Variants in ARL5B observed in about 807,000 individuals in gnomAD.
ARL5B encodes ARF like GTPase 5B, also known as ADP-ribosylation factor-like protein 5B.
ARL5B carries 10 observed loss-of-function variants against 26.9 expected under a neutral mutation model. The ratio of observed to expected loss-of-function variants is 0.37; its 90% confidence interval spans 0.23 to 0.63. The LOEUF (loss-of-function observed/expected upper bound fraction) is 0.63, where lower values mean the gene tolerates loss of function less well. ARL5B is among the 30% of genes least tolerant of loss of function. ARL5B has a pLI of 0.62. For synonymous variants in ARL5B, 87 were observed against 70.4 expected (o/e 1.24, Z -1.18); for missense variants, 167 against 213.9 (o/e 0.78, Z 1.37).
chr10:18,672,812 T>A (rs1268377965), intron 4 of ARL5B, 107 bp downstream of exon 4: 2 of 619,456 alleles, frequency 3.2e-6, no homozygotes, highest in East Asian at 5.7e-5. Flanking sequence ...TATTTTATGA[T>A]TAACACAACT....
chr10:18,676,290 A>T lies in ARL5B; in HGVS notation c.*1074A>T, dbSNP rs1282288731. On this transcript the variant is annotated 3_prime_UTR_variant, in exon 6 of 6. Transcript: ENST00000377275. ...AATTTATTTGACGGTATTATGTAAT[A>T]GACTTGAAACAATTGCCATCTTTGT... The T allele has an allele frequency of 6.6e-6, 1 of 152,510 alleles. No homozygotes were observed. Among genetic ancestry groups the T allele is most frequent in the Non-Finnish European group, 1.5e-5 (1 of 67,922 alleles). 9.4% of individuals were successfully genotyped at this position (152,510 alleles called of 1,614,324 possible).
chr10:18,678,648 A>G lies in ARL5B; in HGVS notation c.*3432A>G, dbSNP rs2059920224. The G allele has an allele frequency of 6.6e-6, 1 of 151,908 alleles. No homozygotes were observed. Among genetic ancestry groups the G allele is most frequent in the African/African-American group, 2.4e-5 (1 of 41,440 alleles). The allele number at this position is 151,908 out of a possible 1,614,324, so 9.4% of individuals were successfully genotyped here. ...AGATGGATAAATTTCTTTGGAATTTATCTTTGGAGACCAACTTTATGAGGC... is the reference window on the plus strand; with the variant it reads ...AGATGGATAAATTTCTTTGGAATTTGTCTTTGGAGACCAACTTTATGAGGC... On this transcript the variant is annotated 3_prime_UTR_variant, in exon 6 of 6. Transcript: ENST00000377275.
At chr10:18,674,228 TTC>T in intron 5 of ARL5B, 93 bp downstream of exon 5, 1 of 1,203,104 alleles carries the variant, frequency 8.3e-7, no homozygotes, top group Non-Finnish European at 1.1e-6. Flanking sequence ...CCTGTTCCTT[TTC>T]TGTTTGTTTG....
chr10:18,673,314 C>T (rs1322072106), intron 4 of ARL5B, among the ~76,000 whole-genome samples: 1 of 152,132 alleles, frequency 6.6e-6, no homozygotes, highest in Non-Finnish European at 1.5e-5. Context: ...CCTGCCTCAG[C>T]CTCCCAAAGT....
chr10:18,667,639 T>G (rs572824193), intron 2 of ARL5B, among the ~76,000 whole-genome samples: 1 of 152,236 alleles, frequency 6.6e-6, no homozygotes, highest in South Asian at 2.1e-4. Context: ...ATTAATTGAT[T>G]AATGTAGCTT....
chr10:18,663,464 G>A (rs771137908), intron 1 of ARL5B, among the ~76,000 whole-genome samples: 1 of 151,574 alleles, frequency 6.6e-6, no homozygotes, highest in African/African-American at 2.4e-5. Context: ...GTTGCCAATT[G>A]CGTATGATTA....
intron 3 of ARL5B, among the ~76,000 whole-genome samples, chr10:18,672,137 C>T (rs1428261661): frequency 3.3e-5 from 5 of 152,038 alleles, no homozygotes; most frequent in African/African-American, 4.8e-5. Context: ...ATAAAATTGT[C>T]TTATTTTTAA....
intron 1 of ARL5B, among the ~76,000 whole-genome samples, chr10:18,664,296 A>G (rs893925873): frequency 6.6e-6 from 1 of 152,030 alleles, no homozygotes; most frequent in Non-Finnish European, 1.5e-5. Flanking sequence ...TGTATTGCCC[A>G]GTTTGGTCTC....
intron 2 of ARL5B, 74 bp downstream of exon 2, chr10:18,666,709 A>C (rs1159795461): frequency 8.1e-7 from 1 of 1,238,584 alleles, no homozygotes; most frequent in Non-Finnish European, 1.1e-6. Flanking sequence ...TAAGAGATGC[A>C]TTATAATAAT....
chr10:18,674,931 G>T (rs1346900475), intron 5 of ARL5B, among the ~76,000 whole-genome samples: 1 of 152,054 alleles, frequency 6.6e-6, no homozygotes, highest in Non-Finnish European at 1.5e-5. Flanking sequence ...GGCAAAACTG[G>T]CAAAGTTGTA....
Position 18,677,151 on chromosome 10 carries a change from C to T in ARL5B, c.*1935C>T, listed in dbSNP as rs2131650924. The T allele has an allele frequency of 6.6e-6, 1 of 151,640 alleles. No homozygotes were observed. The highest frequency in any genetic ancestry group is 6.6e-5 in the Admixed American group (1 of 15,100). The allele number at this position is 151,640 out of a possible 1,614,324, so 9.4% of individuals were successfully genotyped here. A position where few individuals can be genotyped will look rare whatever the true frequency, so the allele number is the denominator to read the frequency against. On this transcript the variant is annotated 3_prime_UTR_variant, in exon 6 of 6. Coordinates refer to ENST00000377275, the MANE Select transcript of ARL5B (RefSeq NM_178815.5). ...TGAGGGTAGTTTCCCTAAGTCTGTC[C>T]TGAGAAAAAGCATACTTAGTACTCC...
chr10:18,662,093 G>A (rs981371426), intron 1 of ARL5B, among the ~76,000 whole-genome samples: 1 of 152,134 alleles, frequency 6.6e-6, no homozygotes, highest in Non-Finnish European at 1.5e-5. Flanking sequence ...ACCAATCTCA[G>A]CATTTTCCAT....
At chr10:18,671,555 ACAT>A (rs1408510004) in intron 3 of ARL5B, among the ~76,000 whole-genome samples, 1 of 152,010 alleles carries the variant, frequency 6.6e-6, no homozygotes, top group Non-Finnish European at 1.5e-5. Context: ...TGCTGTAATA[ACAT>A]CATTTCATCT....
intron 1 of ARL5B, among the ~76,000 whole-genome samples, chr10:18,666,299 G>T (rs1269276532): frequency 1.3e-5 from 2 of 152,194 alleles, no homozygotes; most frequent in Non-Finnish European, 1.5e-5. Context: ...CTCTCCCCTA[G>T]ATGCAATATA....
chr10:18,674,225 C>G (rs1392629968), intron 5 of ARL5B, 90 bp downstream of exon 5: 3 of 1,235,696 alleles, frequency 2.4e-6, no homozygotes, highest in East Asian at 5.3e-5. Flanking sequence ...GGTCCTGTTC[C>G]TTTTCTGTTT....
chr10:18,674,593 A>G (rs2059902598), intron 5 of ARL5B, among the ~76,000 whole-genome samples: 1 of 152,168 alleles, frequency 6.6e-6, no homozygotes. Flanking sequence ...AGTTGAGACA[A>G]ATGCCACATG....
At chr10:18,671,260 C>T (rs1198252965) in intron 3 of ARL5B, among the ~76,000 whole-genome samples, 2 of 151,572 alleles carry the variant, frequency 1.3e-5, no homozygotes, top group East Asian at 3.9e-4. Context: ...GCAGCCTCCG[C>T]CTCCCAGGTT....
Position 18,675,160 on chromosome 10 carries a change from T to C in ARL5B, c.492-8T>C, listed in dbSNP as rs753492022. 2.4e-5 allele frequency: 38 copies of C among 1,611,818 alleles called. 1 individual carries two copies. The South Asian group carries it at 3.9e-4, about 16-fold the overall frequency. ...TTTTAATTAAAAATACTTCTATCTT[T>C]TGTTTAGGTTATGCCAAGGTCTAGA... is the stretch of plus-strand genomic sequence containing the variant. On this transcript the variant is annotated splice_polypyrimidine_tract_variant and splice_region_variant and intron_variant, in intron 5 of 5. Coordinates refer to ENST00000377275, the MANE Select transcript of ARL5B (RefSeq NM_178815.5).
intron 2 of ARL5B, among the ~76,000 whole-genome samples, chr10:18,667,559 A>C (rs1419009644): frequency 1.3e-5 from 2 of 152,188 alleles, no homozygotes; most frequent in Admixed American, 6.5e-5. Context: ...AATATACATA[A>C]AACCCAAGAG....
Sources: gnomAD v4.1 joint callset for allele counts (sites outside exome capture counted in the v4.1 genomes callset) on GRCh38, gnomAD v4.1.1 for gene constraint, MANE v1.5 for transcripts, NCBI Gene and HGNC (gene_info 2026-07-23, HGNC 2026-07-21) for gene names.